Variants in PTPRD observed in about 807,000 individuals in gnomAD.
PTPRD encodes the protein protein tyrosine phosphatase receptor type D.
Under a neutral mutation model 214.5 loss-of-function variants are expected in PTPRD, and 34 were observed. That is an observed-to-expected ratio of 0.16 (90% confidence interval 0.12 to 0.21). PTPRD has a LOEUF of 0.21. Ranked by LOEUF, PTPRD falls within the 10% of genes least tolerant of loss-of-function variation. The pLI is 1.00. For synonymous variants in PTPRD, 1,128 were observed against 845.7 expected, an observed-to-expected ratio of 1.33 and a Z score of -5.79; for missense variants, 2,545 against 2,398.7, an observed-to-expected ratio of 1.06 and a Z score of -1.27.
At chr9:8,961,140 G>A (rs1239345345) in intron 11 of PTPRD, among the ~76,000 whole-genome samples, 1 of 152,050 alleles carries the variant, frequency 6.6e-6, no homozygotes, top group Non-Finnish European at 1.5e-5. Flanking sequence ...GAACACCTAA[G>A]TTGCCTAGGG....
At chr9:9,193,124 A>T (rs558950618) in intron 9 of PTPRD, among the ~76,000 whole-genome samples, 16 of 152,292 alleles carry the variant, frequency 1.1e-4, no homozygotes, top group African/African-American at 3.6e-4. Flanking sequence ...ATGTAAGTAA[A>T]TAAAAATGAG....
chr9:9,929,098 G>A (rs4741002), intron 5 of PTPRD, among the ~76,000 whole-genome samples: 13,863 of 151,946 alleles, frequency 0.091, 1,324 homozygotes, highest in East Asian at 0.28. Context: ...ATATCTGTCC[G>A]CTATACCTAT....
intron 5 of PTPRD, among the ~76,000 whole-genome samples, chr9:9,798,011 C>A (rs188127084): frequency 1.2e-3 from 190 of 152,098 alleles, no homozygotes; most frequent in African/African-American, 4.4e-3. Flanking sequence ...CATATTTCAG[C>A]AAAATTTGAA....
intron 11 of PTPRD, among the ~76,000 whole-genome samples, chr9:8,769,605 T>G (rs568670112): frequency 1.3e-5 from 2 of 152,226 alleles, no homozygotes; most frequent in South Asian, 2.1e-4. Context: ...TGAATACCAA[T>G]TGCAAAGTAA....
At chr9:10,446,587 G>A (rs2098801571) in intron 2 of PTPRD, among the ~76,000 whole-genome samples, 1 of 151,824 alleles carries the variant, frequency 6.6e-6, no homozygotes. Flanking sequence ...TTTTCAAACT[G>A]AGGAGCAAGA....
chr9:10,067,051 C>T (rs1055819243), intron 3 of PTPRD, among the ~76,000 whole-genome samples: 2 of 151,744 alleles, frequency 1.3e-5, no homozygotes, highest in East Asian at 1.9e-4. Flanking sequence ...GGCATTTGGC[C>T]GTGCTTATGA....
At chr9:10,580,158 T>C (rs1239893721) in intron 2 of PTPRD, among the ~76,000 whole-genome samples, 3 of 152,212 alleles carry the variant, frequency 2.0e-5, no homozygotes, top group Admixed American at 6.5e-5. Flanking sequence ...CTTTTTTCTA[T>C]AAAAGTGACA....
intron 35 of PTPRD, among the ~76,000 whole-genome samples, chr9:8,410,245 G>C (rs1485201404): frequency 1.3e-5 from 2 of 152,222 alleles, no homozygotes; most frequent in Admixed American, 1.3e-4. Flanking sequence ...AAGAGCATGA[G>C]TTCAGTTGAA....
At chr9:9,672,219 T>C (rs1160179697) in intron 7 of PTPRD, among the ~76,000 whole-genome samples, 1 of 152,154 alleles carries the variant, frequency 6.6e-6, no homozygotes, top group Non-Finnish European at 1.5e-5. Context: ...CACAATATAA[T>C]TTTCTGAAAA....
intron 9 of PTPRD, among the ~76,000 whole-genome samples, chr9:9,256,132 T>C (rs765756698): frequency 3.3e-5 from 5 of 151,958 alleles, no homozygotes; most frequent in Non-Finnish European, 7.4e-5. Flanking sequence ...AAAGGCAACT[T>C]GTATAGAGTG....
chr9:10,463,322 T>A (rs4474072), intron 2 of PTPRD, among the ~76,000 whole-genome samples: 127,777 of 152,058 alleles, frequency 0.84, 53,845 homozygotes, highest in East Asian at 0.92. Context: ...AATATGTATC[T>A]GCTTACCAGA....
At chr9:8,331,365 TG>T (rs1563992125) in intron 44 of PTPRD, among the ~76,000 whole-genome samples, 1 of 152,044 alleles carries the variant, frequency 6.6e-6, no homozygotes, top group Non-Finnish European at 1.5e-5. Context: ...GCAAATTTTT[TG>T]GGGGATAAAC....
chr9:9,731,074 A>G (rs921013562), intron 7 of PTPRD, among the ~76,000 whole-genome samples: 10 of 152,216 alleles, frequency 6.6e-5, no homozygotes, highest in African/African-American at 2.2e-4. Flanking sequence ...TTTAAGTGAA[A>G]AAATGCTGCA....
At chr9:8,533,661 C>T (rs1281308169) in intron 14 of PTPRD, among the ~76,000 whole-genome samples, 2 of 151,810 alleles carry the variant, frequency 1.3e-5, no homozygotes, top group Non-Finnish European at 2.9e-5. Flanking sequence ...TTTAAAAGTC[C>T]CCAAATAGTG....
intron 10 of PTPRD, among the ~76,000 whole-genome samples, chr9:9,097,416 C>CT (rs2099785119): frequency 7.9e-6 from 1 of 126,572 alleles, no homozygotes; most frequent in African/African-American, 3.0e-5. Flanking sequence ...TTTTTTTTTT[C>CT]TTTTTCTTTT....
intron 5 of PTPRD, among the ~76,000 whole-genome samples, chr9:9,909,952 A>C (rs1029450271): frequency 6.6e-6 from 1 of 152,020 alleles, no homozygotes; most frequent in Non-Finnish European, 1.5e-5. Context: ...GCATGCATAC[A>C]AATGACAAAA....
intron 3 of PTPRD, among the ~76,000 whole-genome samples, chr9:10,259,371 C>A (rs1022895515): frequency 1.3e-5 from 2 of 152,136 alleles, no homozygotes; most frequent in Non-Finnish European, 2.9e-5. Context: ...TTCTTCCTCA[C>A]CAATATGTGG....
intron 9 of PTPRD, among the ~76,000 whole-genome samples, chr9:9,275,198 ATTATAT>A (rs1227648882): frequency 7.7e-5 from 1 of 12,952 alleles, no homozygotes; most frequent in African/African-American, 1.4e-4. Flanking sequence ...ATATATATAT[ATTATAT>A]ATATATATAT....
At chr9:9,493,806 A>AGG (rs553870161) in intron 8 of PTPRD, among the ~76,000 whole-genome samples, 1 of 143,688 alleles carries the variant, frequency 7.0e-6, no homozygotes, top group African/African-American at 2.6e-5. Flanking sequence ...AAAAAAAAAA[A>AGG]AAAAGAAAAG....
Sources: gnomAD v4.1 joint callset for allele counts (sites outside exome capture counted in the v4.1 genomes callset) on GRCh38, gnomAD v4.1.1 for gene constraint, MANE v1.5 for transcripts, NCBI Gene and HGNC (gene_info 2026-07-23, HGNC 2026-07-21) for gene names.